PAFAH2: variants seen among roughly 807,000 people sequenced by gnomAD.
PAFAH2 encodes platelet activating factor acetylhydrolase 2.
A neutral mutation model predicts 49.0 loss-of-function variants in PAFAH2; 42 were observed. The ratio of observed to expected loss-of-function variants is 0.86; its 90% CI spans 0.67 to 1.11. The LOEUF (loss-of-function observed/expected upper bound fraction) is 1.11. Ranked by LOEUF, PAFAH2 falls within the 50% of genes least tolerant of loss-of-function variation. The probability of loss-of-function intolerance (pLI) is 0.00; values close to 1 mark genes in which losing one functional copy is unlikely to be tolerated. For synonymous variants in PAFAH2, 184 were observed against 181.3 expected (o/e 1.01, Z -0.12); for missense variants, 503 against 501.8 (o/e 1.00, Z -0.02).
chr1:25,983,581 T>C (rs1006493624), intron 6 of PAFAH2, among the ~76,000 whole-genome samples: 13 of 150,026 alleles, frequency 8.7e-5, no homozygotes, highest in African/African-American at 2.0e-4. Context: ...AAACAACTTA[T>C]GGTTCTAACC....
At position 25,984,083 on chromosome 1, in the gene PAFAH2, G is replaced by A. The variant is rs750233992; in HGVS notation, c.415C>T (p.Arg139Trp). The A allele has an allele frequency of 3.3e-5, 53 of 1,613,778 alleles. No individual in the cohort carries two copies. In the Admixed American group the frequency reaches 4.2e-4, roughly 13 times the overall value. Residue 139 changes from arginine (R) to tryptophan (W), a missense_variant, in exon 6 of 11, where the codon CGG (arginine) becomes TGG (tryptophan). By Grantham distance (101) the Arg-to-Trp change is moderately radical. Transcript: ENST00000374282. The stretch of plus-strand genomic sequence containing the variant: ...CAGAAATAGGTGGTTGCCGCTGACC[G>A]GTCCCTGAAATACACACATCATCAG... ...FVVAVPEHRD[R>W]SAATTYFCKQ...
chr1:25,989,377 T>C, intron 3 of PAFAH2, 71 bp downstream of exon 3: 2 of 1,424,406 alleles, frequency 1.4e-6, no homozygotes, highest in Non-Finnish European at 1.9e-6. Context: ...AGGTACTGCG[T>C]CCACCTGGGG....
intron 9 of PAFAH2, among the ~76,000 whole-genome samples, chr1:25,974,051 C>G (rs1420593444): frequency 1.3e-5 from 2 of 152,132 alleles, no homozygotes; most frequent in Non-Finnish European, 2.9e-5. Context: ...CATATGTTAA[C>G]AGTGATCTGT....
chr1:25,992,969 G>A (rs1379430774), intron 1 of PAFAH2, among the ~76,000 whole-genome samples: 2 of 152,202 alleles, frequency 1.3e-5, no homozygotes, highest in Non-Finnish European at 2.9e-5. Flanking sequence ...GATGTCACCT[G>A]TCAAGTGGCC....
chr1:25,997,866 G>C (rs2049958059), intron 1 of PAFAH2, among the ~76,000 whole-genome samples, 159 bp downstream of exon 1: 1 of 152,138 alleles, frequency 6.6e-6, no homozygotes, highest in Admixed American at 6.6e-5. Flanking sequence ...AGGGTCAAGG[G>C]AGCGGGTGGC....
intron 8 of PAFAH2, 117 bp from the exon 9 acceptor site, chr1:25,974,767 G>A (rs1428411721): frequency 1.1e-6 from 1 of 913,998 alleles, no homozygotes; most frequent in Admixed American, 2.9e-5. Flanking sequence ...AGAAAGCCAG[G>A]AGGGGGGTAC....
intron 1 of PAFAH2, among the ~76,000 whole-genome samples, chr1:25,994,708 T>A (rs1233863426): frequency 1.3e-5 from 2 of 152,052 alleles, no homozygotes; most frequent in Admixed American, 1.3e-4. Flanking sequence ...AGGACAATAG[T>A]CCTTAAGCTT....
chr1:25,996,390 G>A (rs987968340), intron 1 of PAFAH2, among the ~76,000 whole-genome samples: 1 of 151,692 alleles, frequency 6.6e-6, no homozygotes, highest in Non-Finnish European at 1.5e-5. Flanking sequence ...CTATGGGCCG[G>A]GCGCGGTGGG....
In PAFAH2 at chr1:25,982,380, T is replaced by C; in HGVS notation, c.650A>G (p.Asp217Gly). 6.2e-7 allele frequency: 1 copy of C among 1,613,780 alleles called. No homozygotes were observed. Among genetic ancestry groups the C allele is most frequent in the Non-Finnish European group, 8.5e-7 (1 of 1,179,734 alleles). Residue 217 changes from aspartate (D) to glycine (G), a missense_variant, in exon 7 of 11, where the codon GAT (aspartate) becomes GGT (glycine). By Grantham distance (94) the Asp-to-Gly change is moderately conservative. Coordinates refer to ENST00000374282, the MANE Select transcript of PAFAH2 (RefSeq NM_000437.4). ...TVFNILPGGL[D>G]LMTLKGNIDM... The stretch of plus-strand genomic sequence containing the variant: ...CTTCCATACCTTCAAAGTCATCAGA[T>C]CCAAGCCACCAGGCAAGATGTTGAA...
At chr1:25,987,237 AAAAATAAAATAAAATAAAAT>A (rs59896051) in intron 4 of PAFAH2, among the ~76,000 whole-genome samples, 70 of 133,890 alleles carry the variant, frequency 5.2e-4, no homozygotes, top group African/African-American at 1.0e-3. Flanking sequence ...CTGTCTCAGA[AAAAATAAAATAAAATAAAAT>A]AAAATAAAAT....
rs2049320290 is a variant in PAFAH2 at position 25,960,270 on chromosome 1, T to G, written c.*1719A>C. 6.6e-6 allele frequency: 1 copy of G among 152,488 alleles called. No homozygotes were observed. The highest frequency in any genetic ancestry group is 2.1e-4 in the South Asian group (1 of 4,820). 9.4% of individuals were successfully genotyped at this position (152,488 alleles called of 1,614,324 possible). A position where few individuals can be genotyped will look rare whatever the true frequency, so the allele number is the denominator to read the frequency against. On this transcript the variant is annotated 3_prime_UTR_variant, in exon 11 of 11. Coordinates refer to ENST00000374282, the MANE Select transcript of PAFAH2 (RefSeq NM_000437.4). ...TGACAGGTGGAGATCTAGGCCCAGC[T>G]TGCTCTGGTGGCCCTGACCATGGGC...
At chr1:25,968,607 A>T (rs2049462977) in intron 10 of PAFAH2, among the ~76,000 whole-genome samples, 1 of 152,148 alleles carries the variant, frequency 6.6e-6, no homozygotes, top group Non-Finnish European at 1.5e-5. Context: ...AATTTTTTTC[A>T]GAGTGAGAGG....
In PAFAH2 at chr1:25,963,110, G is replaced by A. The variant is rs1462130027; in HGVS notation, c.1085-1027C>T. Among the ~76,000 whole-genome samples the A allele has an allele frequency of 3.9e-5, 6 of 152,298 alleles. No homozygotes were observed. The South Asian group carries it at 1.0e-3, about 26-fold the overall frequency. Reference sequence around the variant, plus strand: ...GCAGGGCAAGCTAAGCAGATGAATGGTGTCCTTCCTCAAAACAAACAGACT... The same window carrying A: ...GCAGGGCAAGCTAAGCAGATGAATGATGTCCTTCCTCAAAACAAACAGACT... On this transcript the variant is annotated intron_variant, in intron 10 of 10. Transcript: ENST00000374282.
chr1:25,983,578 T>A (rs1336904274), intron 6 of PAFAH2, among the ~76,000 whole-genome samples: 1 of 150,286 alleles, frequency 6.7e-6, no homozygotes, highest in African/African-American at 2.4e-5. Context: ...AAAAAACAAC[T>A]TATGGTTCTA....
At chr1:25,965,792 TG>T (rs1401676535) in intron 10 of PAFAH2, among the ~76,000 whole-genome samples, 15 of 110,944 alleles carry the variant, frequency 1.4e-4, no homozygotes, top group African/African-American at 5.4e-4. Context: ...CACTCCAGCC[TG>T]GGTGACAGAG....
chr1:25,970,481 C>CAAAA (rs1209701444), intron 10 of PAFAH2, among the ~76,000 whole-genome samples: 1 of 152,052 alleles, frequency 6.6e-6, no homozygotes, highest in Non-Finnish European at 1.5e-5. Context: ...CCGTCTCAAA[C>CAAAA]AAAACAAAAC....
chr1:25,975,707 T>A (rs531770440), intron 8 of PAFAH2, among the ~76,000 whole-genome samples: 14 of 152,334 alleles, frequency 9.2e-5, no homozygotes, highest in African/African-American at 3.4e-4. Context: ...TCAATCCTGA[T>A]GTAAATTTAT....
intron 2 of PAFAH2, among the ~76,000 whole-genome samples, chr1:25,990,028 T>C (rs2049850227): frequency 6.6e-6 from 1 of 152,126 alleles, no homozygotes; most frequent in Admixed American, 6.5e-5. Flanking sequence ...ACACTCATTT[T>C]ACATGGGAGT....
intron 10 of PAFAH2, among the ~76,000 whole-genome samples, chr1:25,964,803 G>A (rs2049396051): frequency 6.6e-6 from 1 of 152,172 alleles, no homozygotes; most frequent in Non-Finnish European, 1.5e-5. Context: ...CACACTCATG[G>A]AATGGAAGAA....
Sources: gnomAD v4.1 joint callset for allele counts (sites outside exome capture counted in the v4.1 genomes callset) on GRCh38, gnomAD v4.1.1 for gene constraint, MANE v1.5 for transcripts, NCBI Gene and HGNC (gene_info 2026-07-23, HGNC 2026-07-21) for gene names.